The following C11orf24 variants were observed in gnomAD, a reference collection of about 807,000 sequenced individuals.
The protein encoded by C11orf24 is uncharacterized protein C11orf24.
Under a neutral mutation model 7.3 loss-of-function variants are expected in C11orf24, and 5 were observed. That is an observed-to-expected ratio of 0.69 (90% confidence interval 0.36 to 1.45). C11orf24 has a LOEUF of 1.45. C11orf24 is among the 40% of genes most tolerant of loss of function. The probability of loss-of-function intolerance (pLI) is 0.03; values close to 1 mark genes in which losing one functional copy is unlikely to be tolerated. For synonymous variants in C11orf24, 233 were observed against 235.7 expected (o/e 0.99, Z 0.11); for missense variants, 566 against 590.5 (o/e 0.96, Z 0.43).
rs1565289053 is a variant in C11orf24 at position 68,261,975 on chromosome 11, T to C, written c.1020A>G (p.Thr340=). The change falls in exon 4 of 4, where the codon ACA becomes ACG. Residue 340 remains threonine, a synonymous_variant. Coordinates refer to ENST00000304271, the MANE Select transcript of C11orf24 (RefSeq NM_022338.4). ...PYTQRAAGPG[T]SQAPEQVETE... is the part of the protein sequence containing the mutation. ...TCTCTACCTGCTCCGGTGCCTGGGA[T>C]GTGCCTGGCCCAGCGGCCCTCTGGG... is the stretch of plus-strand genomic sequence containing the variant. 5 of 1,614,000 alleles carry C rather than the reference T, an allele frequency of 3.1e-6. No homozygotes were observed. Among genetic ancestry groups the C allele is most frequent in the Non-Finnish European group, 3.4e-6 (4 of 1,180,022 alleles).
intron 3 of C11orf24, chr11:68,263,441 G>A (rs2098562961): frequency 3.8e-6 from 2 of 532,338 alleles, no homozygotes; most frequent in Non-Finnish European, 6.6e-6. Context: ...TCAATTTAGA[G>A]ATGACATCAA....
rs2035521434 is a variant in C11orf24, at chr11:68,261,903, G to A, written c.1092C>T (p.Ser364=). The A allele has an allele frequency of 6.2e-7, 1 of 1,613,882 alleles. No individual in the cohort carries two copies. Among genetic ancestry groups the A allele is most frequent in the Admixed American group, 1.7e-5 (1 of 59,998 alleles). ...GTDSTGPTPR[S]SGGTKMPATD... is the part of the protein sequence containing the mutation. ...TGGCTGGCATCTTAGTGCCCCCTGA[G>A]CTCCTGGGTGTTGGCCCAGTGGAAT... Residue 364 remains serine (S), a synonymous_variant, in exon 4 of 4, where the codon AGC becomes AGT. Transcript: ENST00000304271.
intron 2 of C11orf24, among the ~76,000 whole-genome samples, chr11:68,265,835 A>T (rs2098564815): frequency 6.6e-6 from 1 of 152,202 alleles, no homozygotes; most frequent in African/African-American, 2.4e-5. Context: ...TTGTTTTGTT[A>T]GATAAAATAA....
In C11orf24 at chr11:68,262,587, T is replaced by G; in HGVS notation, c.408A>C (p.Ala136=). ...MTVASSAPTT[A]ASSTTVASIA... is the part of the protein sequence containing the mutation. ...TGGAGGCCACAGTTGTACTGGAGGC[T>G]GCAGTCGTGGGAGCACTGGAGGCCA... Residue 136 remains alanine (A), a synonymous_variant, in exon 4 of 4, where the codon GCA becomes GCC. Coordinates refer to ENST00000304271, the MANE Select transcript of C11orf24 (RefSeq NM_022338.4). The G allele has an allele frequency of 1.2e-6, 2 of 1,613,492 alleles. No individual in the cohort carries two copies. The highest frequency in any genetic ancestry group is 1.7e-6 in the Non-Finnish European group (2 of 1,179,830).
Position 68,262,676 on chromosome 11 carries a change from G to A in C11orf24, c.319C>T (p.Pro107Ser). The A allele has an allele frequency of 6.2e-7, 1 of 1,614,158 alleles. No homozygotes were observed. Among genetic ancestry groups the A allele is most frequent in the Non-Finnish European group, 8.5e-7 (1 of 1,180,018 alleles). Residue 107 changes from proline (P) to serine (S), a missense_variant, in exon 4 of 4, where the codon CCC becomes TCC. Coordinates refer to ENST00000304271, the MANE Select transcript of C11orf24 (RefSeq NM_022338.4). ...GTCGTACTGGAGGCCACAGCCGTGG[G>A]AGCAATGGAGGTCACACCATCAGCT... ...GAADGVTSIAPTAVASSTTAA... is the reference protein window; with the variant it reads ...GAADGVTSIASTAVASSTTAA...
rs570632772 is a variant in C11orf24 at position 68,266,244 on chromosome 11, C to T, written c.-100+1810G>A. Among the ~76,000 whole-genome samples, 3 of 152,346 alleles carry T rather than the reference C, an allele frequency of 2.0e-5. No individual in the cohort carries two copies. The South Asian group carries it at 6.2e-4, about 32-fold the overall frequency. ...ACATGGGATCACACGGGCAAGGACC[C>T]AGCATGGCGCCTGGCTTAGCCAGCA... On this transcript the variant is annotated intron_variant, in intron 2 of 3. Coordinates refer to ENST00000304271, the MANE Select transcript of C11orf24 (RefSeq NM_022338.4).
intron 1 of C11orf24, among the ~76,000 whole-genome samples, chr11:68,268,956 G>C (rs941163327): frequency 6.6e-6 from 1 of 152,082 alleles, no homozygotes; most frequent in East Asian, 1.9e-4. Flanking sequence ...AAATGAACAC[G>C]GCAGGTTACA....
In C11orf24 at chr11:68,263,784, G is replaced by C; in HGVS notation, c.-17C>G. The C allele has an allele frequency of 6.2e-7, 1 of 1,609,758 alleles. No individual in the cohort carries two copies. The highest frequency in any genetic ancestry group is 2.2e-5 in the East Asian group (1 of 44,828). On this transcript the variant is annotated 5_prime_UTR_variant, in exon 3 of 4. Transcript: ENST00000304271. Reference sequence around the variant, plus strand: ...TGTCCACATCTTGTGGGTGAGCTGGGAGCAAGGCTGGGCGGTCCCCGAGGC... The same window carrying C: ...TGTCCACATCTTGTGGGTGAGCTGGCAGCAAGGCTGGGCGGTCCCCGAGGC...
chr11:68,269,560 A>C (rs1019329258), intron 1 of C11orf24, among the ~76,000 whole-genome samples: 1 of 152,222 alleles, frequency 6.6e-6, no homozygotes, highest in African/African-American at 2.4e-5. Context: ...ACTTAGTCAC[A>C]CACGCTTGTG....
chr11:68,262,082 G>C lies in C11orf24; in HGVS notation c.913C>G (p.Pro305Ala). Residue 305 changes from proline to alanine, a missense_variant, in exon 4 of 4, where the codon CCA becomes GCA. Coordinates refer to ENST00000304271, the MANE Select transcript of C11orf24 (RefSeq NM_022338.4). Reference sequence around the variant, plus strand: ...GGGCTGGTGTGAGGTACTGGCACTGGGCTGGCAGTTGGCTCCCTGGCTTGT... The same window carrying C: ...GGGCTGGTGTGAGGTACTGGCACTGCGCTGGCAGTTGGCTCCCTGGCTTGT... Reference protein sequence around the residue: ...KAQAREPTASPVPVPHTSPIP... With the variant: ...KAQAREPTASAVPVPHTSPIP... The C allele has an allele frequency of 6.2e-7, 1 of 1,614,024 alleles. No homozygotes were observed. Among genetic ancestry groups the C allele is most frequent in the Non-Finnish European group, 8.5e-7 (1 of 1,180,016 alleles).
rs528605629 is a variant in C11orf24 at position 68,263,369 on chromosome 11, G to A, written c.76+323C>T. On this transcript the variant is annotated intron_variant, in intron 3 of 3. Coordinates refer to ENST00000304271, the MANE Select transcript of C11orf24 (RefSeq NM_022338.4). Reference sequence around the variant, plus strand: ...CTGCAGGAATTCTTGGAAATGAATGGCACAGAGTGGGAACGCAGTTAAAGA... The same window carrying A: ...CTGCAGGAATTCTTGGAAATGAATGACACAGAGTGGGAACGCAGTTAAAGA... The A allele has an allele frequency of 3.8e-5, 17 of 445,170 alleles. No homozygotes were observed. The South Asian group carries it at 4.5e-4, about 12-fold the overall frequency. 27.6% of individuals were successfully genotyped at this position (445,170 alleles called of 1,614,324 possible).
intron 1 of C11orf24, among the ~76,000 whole-genome samples, chr11:68,270,267 G>T (rs1238584500): frequency 1.3e-5 from 2 of 152,148 alleles, no homozygotes; most frequent in Non-Finnish European, 2.9e-5. Context: ...GGATCTGCAA[G>T]GAAGGTGCAA....
intron 1 of C11orf24, among the ~76,000 whole-genome samples, chr11:68,270,568 T>C (rs1027689642): frequency 4.9e-5 from 7 of 143,874 alleles, no homozygotes; most frequent in Middle Eastern, 3.6e-3. Flanking sequence ...CTGGGCAACA[T>C]AGTGAGACCC....
intron 2 of C11orf24, 129 bp from the exon 3 acceptor site, chr11:68,263,995 G>C: frequency 1.8e-6 from 1 of 552,390 alleles, no homozygotes; most frequent in Non-Finnish European, 3.2e-6. Context: ...TGAGACCAGG[G>C]CCTGGTGCCC....
chr11:68,261,340 G>GT lies in C11orf24; in HGVS notation c.*304_*305insA. ...AGCAGGATGCACCCACACGATTGTG[G>GT]CGAGCAGTCAGTACTTTAATTCAGG... On this transcript the variant is annotated 3_prime_UTR_variant, in exon 4 of 4. Transcript: ENST00000304271. 2 of 333,028 alleles carry GT rather than the reference G, an allele frequency of 6.0e-6. No homozygotes were observed. Among genetic ancestry groups the GT allele is most frequent in the South Asian group, 8.6e-5 (2 of 23,370 alleles). The allele number at this position is 333,028 out of a possible 1,614,324, so 20.6% of individuals were successfully genotyped here.
intron 1 of C11orf24, among the ~76,000 whole-genome samples, chr11:68,271,430 A>C (rs1201102973): frequency 6.6e-6 from 1 of 152,104 alleles, no homozygotes; most frequent in Non-Finnish European, 1.5e-5. Context: ...TGTGTCACTC[A>C]AGTAAGAGCG....
At chr11:68,262,991 G>A (rs777468564) in intron 3 of C11orf24, 73 bp from the exon 4 acceptor site, 24 of 1,460,166 alleles carry the variant, frequency 1.6e-5, no homozygotes, top group Admixed American at 9.3e-5. Context: ...CTCAGGGATC[G>A]GCTTCCACCC....
chr11:68,268,476 G>A (rs903842748), intron 1 of C11orf24, among the ~76,000 whole-genome samples: 1 of 152,214 alleles, frequency 6.6e-6, no homozygotes, highest in African/African-American at 2.4e-5. Flanking sequence ...TGGATCACGA[G>A]GTCAGCAGTT....
At chr11:68,270,586 TAA>T (rs10631184) in intron 1 of C11orf24, among the ~76,000 whole-genome samples, 55 of 142,910 alleles carry the variant, frequency 3.8e-4, no homozygotes, top group South Asian at 9.0e-4. Flanking sequence ...CCCCATCTCT[TAA>T]AAAAAAAAAA....
Sources: gnomAD v4.1 joint callset for allele counts (sites outside exome capture counted in the v4.1 genomes callset) on GRCh38, gnomAD v4.1.1 for gene constraint, MANE v1.5 for transcripts, NCBI Gene and HGNC (gene_info 2026-07-23, HGNC 2026-07-21) for gene names.